Variants in A1CF observed in about 807,000 individuals in gnomAD.
A1CF encodes APOBEC1 complementation factor, also known as APOBEC-1 stimulating protein.
In A1CF, 48 loss-of-function variants were observed where a neutral mutation model predicts 68.9. The ratio of observed to expected loss-of-function variants is 0.70; its 90% confidence interval spans 0.55 to 0.89. The LOEUF (loss-of-function observed/expected upper bound fraction) is 0.89, where lower values mean the gene tolerates loss of function less well. A1CF is among the 40% of genes least tolerant of loss of function. A1CF has a pLI of 0.00. For missense variants in A1CF, 653 were observed against 718.9 expected, an observed-to-expected ratio of 0.91 and a Z score of 1.05; for synonymous variants, 272 against 260.4, an observed-to-expected ratio of 1.04 and a Z score of -0.43.
chr10:50,822,575 G>A (rs1300902792), intron 7 of A1CF: 1 of 152,178 alleles, frequency 6.6e-6, no homozygotes, highest in Non-Finnish European at 1.5e-5. Context: ...TAAAGACATT[G>A]TGATACTTCT....
intron 1 of A1CF, among the ~76,000 whole-genome samples, chr10:50,870,023 T>A (rs1055210716): frequency 2.6e-5 from 4 of 151,924 alleles, no homozygotes; most frequent in Non-Finnish European, 5.9e-5. Context: ...TTTTCTTTTT[T>A]AATTAATACA....
intron 1 of A1CF, among the ~76,000 whole-genome samples, chr10:50,864,541 TG>T (rs761549080): frequency 8.9e-4 from 116 of 129,682 alleles, no homozygotes; most frequent in Admixed American, 1.8e-3. Context: ...TCAGACACTG[TG>T]TTTTTATTAG....
chr10:50,846,728 A>G (rs7068127), intron 3 of A1CF, among the ~76,000 whole-genome samples: 51,389 of 152,116 alleles, frequency 0.34, 10,216 homozygotes, highest in Admixed American at 0.45. Context: ...TATGATGCAT[A>G]TAGGAAGATT....
intron 6 of A1CF, among the ~76,000 whole-genome samples, chr10:50,830,882 C>G (rs552287854): frequency 6.6e-6 from 1 of 152,142 alleles, no homozygotes; most frequent in South Asian, 2.1e-4. Context: ...CTATAGTAAT[C>G]AAAATAGTAT....
chr10:50,830,524 T>C (rs745744522), intron 6 of A1CF, among the ~76,000 whole-genome samples: 1 of 152,126 alleles, frequency 6.6e-6, no homozygotes, highest in African/African-American at 2.4e-5. Context: ...ATTTATAGTA[T>C]CATCCCCCCA....
chr10:50,884,603 C>T (rs1226244814), intron 1 of A1CF, among the ~76,000 whole-genome samples: 2 of 152,142 alleles, frequency 1.3e-5, no homozygotes, highest in East Asian at 3.8e-4. Flanking sequence ...GCTGAATTTG[C>T]CAAAATACGA....
rs1251490211 is a variant in A1CF, at chr10:50,844,188, A to C, written c.100-66T>G. On this transcript the variant is annotated intron_variant, in intron 3 of 12. Transcript: ENST00000373997. ...TCAAGACTTTAATTCAATTTCCCTG[A>C]GTATTTTTCAAAATAATTTCACATT... The C allele has an allele frequency of 7.2e-5, 114 of 1,572,842 alleles. 1 individual carries two copies. In the South Asian group the frequency reaches 1.2e-3, roughly 17 times the overall value.
chr10:50,880,685 T>C (rs1349159724), intron 1 of A1CF, among the ~76,000 whole-genome samples: 1 of 152,182 alleles, frequency 6.6e-6, no homozygotes, highest in Non-Finnish European at 1.5e-5. Context: ...TAGTTCATGC[T>C]GAAGGCCCCA....
chr10:50,811,573 T>C (rs561865404), intron 10 of A1CF, among the ~76,000 whole-genome samples: 16 of 152,358 alleles, frequency 1.1e-4, no homozygotes, highest in African/African-American at 3.8e-4. Context: ...GGTTTAGAGA[T>C]GATAGCCTAA....
chr10:50,828,407 CAAG>C (rs1319150756), intron 6 of A1CF, 112 bp from the exon 7 acceptor site: 1 of 768,490 alleles, frequency 1.3e-6, no homozygotes, highest in African/African-American at 1.7e-5. Context: ...CTTGAATGAG[CAAG>C]AAGACCATTA....
chr10:50,855,435 CTT>C (rs1840434145), intron 3 of A1CF, among the ~76,000 whole-genome samples: 1 of 151,798 alleles, frequency 6.6e-6, no homozygotes, highest in Non-Finnish European at 1.5e-5. Context: ...TAAAGTTTAA[CTT>C]AGTAATATTA....
chr10:50,845,824 C>G (rs552156529), intron 3 of A1CF, among the ~76,000 whole-genome samples: 1 of 152,002 alleles, frequency 6.6e-6, no homozygotes, highest in South Asian at 2.1e-4. Flanking sequence ...CATGGTGGCA[C>G]ATGCCTGTAA....
Position 50,817,731 on chromosome 10 carries a change from A to C in A1CF, c.868-1452T>G, listed in dbSNP as rs917898803. Among the ~76,000 whole-genome samples the C allele has an allele frequency of 2.0e-5, 3 of 152,322 alleles. 1 individual carries two copies. Among genetic ancestry groups the C allele is most frequent in the Admixed American group, 2.0e-4 (3 of 15,298 alleles). On this transcript the variant is annotated intron_variant, in intron 8 of 12. Coordinates refer to ENST00000373997, the MANE Select transcript of A1CF (RefSeq NM_014576.4). Reference sequence around the variant, plus strand: ...ACTTCCATATCAAGAGATGTTTTGCATGGAATGATTCTTTGCGGCAAATTC... The same window carrying C: ...ACTTCCATATCAAGAGATGTTTTGCCTGGAATGATTCTTTGCGGCAAATTC...
chr10:50,822,232 T>C (rs1838711010), intron 7 of A1CF, among the ~76,000 whole-genome samples: 1 of 152,204 alleles, frequency 6.6e-6, no homozygotes, highest in African/African-American at 2.4e-5. Flanking sequence ...TTTAAAATGT[T>C]TTTCCTTACT....
intron 2 of A1CF, among the ~76,000 whole-genome samples, chr10:50,863,505 C>T (rs1393976995): frequency 1.3e-5 from 2 of 152,118 alleles, no homozygotes; most frequent in Non-Finnish European, 2.9e-5. Context: ...GTATTTATCA[C>T]CTATTAATTC....
intron 3 of A1CF, among the ~76,000 whole-genome samples, chr10:50,855,365 A>G (rs1222602067): frequency 3.3e-5 from 5 of 152,022 alleles, no homozygotes; most frequent in African/African-American, 7.2e-5. Context: ...TTCACATGTT[A>G]ATACTGCAGC....
chr10:50,846,501 A>G (rs1477611753), intron 3 of A1CF, among the ~76,000 whole-genome samples: 2 of 152,196 alleles, frequency 1.3e-5, no homozygotes, highest in Non-Finnish European at 2.9e-5. Flanking sequence ...TCAACAGATT[A>G]TAAGTTTACT....
chr10:50,878,271 G>T (rs1286215943), intron 1 of A1CF, among the ~76,000 whole-genome samples: 1 of 152,154 alleles, frequency 6.6e-6, no homozygotes, highest in Non-Finnish European at 1.5e-5. Flanking sequence ...TTTACCTCAT[G>T]GCCTCTTTCT....
rs1837735040 is a variant in A1CF, at chr10:50,804,474, T to C, written c.*2255A>G. 2 of 152,216 alleles carry C rather than the reference T, an allele frequency of 1.3e-5. No individual in the cohort carries two copies. The highest frequency in any genetic ancestry group is 4.1e-4 in the South Asian group (2 of 4,832). The allele number at this position is 152,216 out of a possible 1,614,324, so 9.4% of individuals were successfully genotyped here. Reference sequence around the variant, plus strand: ...TAAGGAAAATCAGAACTTTTGCTCCTAGAATTTGGAATGCTTTTTAGACTC... The same window carrying C: ...TAAGGAAAATCAGAACTTTTGCTCCCAGAATTTGGAATGCTTTTTAGACTC... On this transcript the variant is annotated 3_prime_UTR_variant, in exon 13 of 13. Coordinates refer to ENST00000373997, the MANE Select transcript of A1CF (RefSeq NM_014576.4).
Sources: gnomAD v4.1 joint callset for allele counts (sites outside exome capture counted in the v4.1 genomes callset) on GRCh38, gnomAD v4.1.1 for gene constraint, MANE v1.5 for transcripts, NCBI Gene and HGNC (gene_info 2026-07-23, HGNC 2026-07-21) for gene names.